The following MTUS2 variants were observed in gnomAD, a reference collection of about 807,000 sequenced individuals.
The protein encoded by MTUS2 is microtubule-associated tumor suppressor candidate 2.
MTUS2 carries 40 observed loss-of-function variants against 114.1 expected under a neutral mutation model. The observed-to-expected ratio is 0.35, with a 90% CI of 0.27 to 0.46. The LOEUF (loss-of-function observed/expected upper bound fraction) is 0.46, where lower values mean the gene tolerates loss of function less well. MTUS2 is among the 20% of genes least tolerant of loss of function. The pLI, the probability that MTUS2 is intolerant of heterozygous loss-of-function variation, is 1.00. For synonymous variants in MTUS2, 688 were observed against 672.0 expected, an observed-to-expected ratio of 1.02 and a Z score of -0.37; for missense variants, 1,679 against 1,705.4, an observed-to-expected ratio of 0.98 and a Z score of 0.27.
intron 5 of MTUS2, among the ~76,000 whole-genome samples, chr13:29,233,550 G>A (rs1039286429): frequency 2.0e-5 from 3 of 152,240 alleles, no homozygotes; most frequent in Non-Finnish European, 4.4e-5. Context: ...GTAGTTAACA[G>A]CAACCTGCTG....
At chr13:28,847,725 C>T (rs764715731) in intron 2 of MTUS2, among the ~76,000 whole-genome samples, 3 of 152,200 alleles carry the variant, frequency 2.0e-5, no homozygotes, top group African/African-American at 4.8e-5. Flanking sequence ...GGGCCCATCT[C>T]CTGGCTGGTC....
intron 1 of MTUS2, among the ~76,000 whole-genome samples, chr13:28,829,076 T>C (rs1874474470): frequency 6.6e-6 from 1 of 152,196 alleles, no homozygotes; most frequent in African/African-American, 2.4e-5. Flanking sequence ...AAATAAACCA[T>C]TTTAGAATGG....
intron 15 of MTUS2, among the ~76,000 whole-genome samples, chr13:29,502,369 T>G (rs1175436704): frequency 1.3e-5 from 2 of 152,242 alleles, no homozygotes; most frequent in South Asian, 2.1e-4. Flanking sequence ...CGGCAAACAT[T>G]AACTGAGCAT....
At chr13:29,223,003 T>TA (rs1895967422) in intron 5 of MTUS2, among the ~76,000 whole-genome samples, 1 of 152,140 alleles carries the variant, frequency 6.6e-6, no homozygotes, top group African/African-American at 2.4e-5. Flanking sequence ...TGGCTCAGTG[T>TA]GGGCCCACAG....
At chr13:29,133,775 G>A (rs972073078) in intron 5 of MTUS2, among the ~76,000 whole-genome samples, 2 of 152,180 alleles carry the variant, frequency 1.3e-5, no homozygotes, top group Non-Finnish European at 2.9e-5. Flanking sequence ...CTTGAAATTA[G>A]GAAGTGTGTC....
chr13:29,282,752 A>G (rs1236502335), intron 6 of MTUS2, among the ~76,000 whole-genome samples: 1 of 152,126 alleles, frequency 6.6e-6, no homozygotes, highest in Non-Finnish European at 1.5e-5. Flanking sequence ...ATATCAATGT[A>G]TATATATATG....
In MTUS2 at chr13:29,121,601, A is replaced by G. The variant is rs980734623; in HGVS notation, c.2644+20631A>G. 2.6e-5 allele frequency among the ~76,000 whole-genome samples: 4 copies of G among 152,052 alleles called. No individual in the cohort carries two copies. In the East Asian group the frequency reaches 7.7e-4, roughly 29 times the overall value. On this transcript the variant is annotated intron_variant, in intron 5 of 15. Transcript: ENST00000612955. ...AGGAAAGAGCACAGAACTTCCAGAG[A>G]GAAGGCCTAAGTTCAAATCCCTGCT...
chr13:29,471,152 G>A (rs2138841992), intron 9 of MTUS2, among the ~76,000 whole-genome samples: 1 of 152,162 alleles, frequency 6.6e-6, no homozygotes, highest in Admixed American at 6.5e-5. Flanking sequence ...AGACCGGCCT[G>A]GCCAACATGG....
At position 29,480,837 on chromosome 13, in the gene MTUS2, C is replaced by T. The variant is rs1881111763; in HGVS notation, c.3399+473C>T. The stretch of plus-strand genomic sequence containing the variant: ...GAGGGCAGAGAGAATAACAAGCAAA[C>T]ATGTATGTAGCACTCGTCCTACACC... On this transcript the variant is annotated intron_variant, in intron 10 of 15. Coordinates refer to ENST00000612955, the MANE Select transcript of MTUS2 (RefSeq NM_001033602.4). This position sits in a 1 kb window ranked among gnomAD's most constrained non-coding sequence, Gnocchi z 4.4. Among the ~76,000 whole-genome samples, 1 of 152,142 alleles carries T rather than the reference C, an allele frequency of 6.6e-6. No individual in the cohort carries two copies. The highest frequency in any genetic ancestry group is 2.4e-5 in the African/African-American group (1 of 41,420).
At chr13:29,129,872 G>A (rs994759014) in intron 5 of MTUS2, among the ~76,000 whole-genome samples, 2 of 152,098 alleles carry the variant, frequency 1.3e-5, no homozygotes, top group African/African-American at 4.8e-5. Context: ...AGGGTGAGGT[G>A]AGGGTTCTTG....
chr13:29,360,690 C>G (rs79804425), intron 8 of MTUS2, among the ~76,000 whole-genome samples: 2 of 5,942 alleles, frequency 3.4e-4, no homozygotes, highest in African/African-American at 7.0e-4. Context: ...AGCCGAACAC[C>G]CCCCCCCCCC....
intron 1 of MTUS2, among the ~76,000 whole-genome samples, chr13:28,823,813 C>T (rs558420284): frequency 1.3e-5 from 2 of 152,172 alleles, no homozygotes; most frequent in Non-Finnish European, 2.9e-5. Flanking sequence ...CTGGGGAGGC[C>T]TCAGGAAACA....
chr13:29,144,398 C>G (rs1179927064), intron 5 of MTUS2, among the ~76,000 whole-genome samples: 1 of 149,938 alleles, frequency 6.7e-6, no homozygotes, highest in Non-Finnish European at 1.5e-5. Context: ...GGGTGTTGCT[C>G]TGTCTCTTAG....
chr13:29,280,679 A>G (rs1898232808), intron 5 of MTUS2, among the ~76,000 whole-genome samples: 1 of 152,198 alleles, frequency 6.6e-6, no homozygotes, highest in South Asian at 2.1e-4. Flanking sequence ...TCCAGCTGTC[A>G]TGGCTTATTT....
intron 7 of MTUS2, among the ~76,000 whole-genome samples, chr13:29,345,130 G>T (rs1342290953): frequency 6.6e-6 from 1 of 152,082 alleles, no homozygotes; most frequent in Non-Finnish European, 1.5e-5. Context: ...TGATGACTAG[G>T]TGCCTAGGCA....
chr13:29,067,644 C>T (rs1240498255), intron 4 of MTUS2, among the ~76,000 whole-genome samples: 2 of 152,102 alleles, frequency 1.3e-5, no homozygotes, highest in Admixed American at 6.5e-5. Flanking sequence ...AAAAGAGCCA[C>T]GGGTGCTGAC....
At chr13:28,994,194 T>G (rs193220918) in intron 2 of MTUS2, among the ~76,000 whole-genome samples, 2,601 of 152,050 alleles carry the variant, frequency 0.017, 74 homozygotes, top group African/African-American at 0.059. Flanking sequence ...GAATGATGGT[T>G]TCCAGCTTCA....
At chr13:29,322,936 C>T (rs756148996) in intron 6 of MTUS2, among the ~76,000 whole-genome samples, 2 of 152,044 alleles carry the variant, frequency 1.3e-5, no homozygotes, top group African/African-American at 2.4e-5. Flanking sequence ...CTAAATGAAT[C>T]GATTAAATGA....
At chr13:29,288,990 A>G (rs997314414) in intron 6 of MTUS2, among the ~76,000 whole-genome samples, 5 of 152,318 alleles carry the variant, frequency 3.3e-5, no homozygotes, top group Admixed American at 2.6e-4. Context: ...GCAAAAACAA[A>G]TCTAGCTGGG....
Sources: gnomAD v4.1 joint callset for allele counts (sites outside exome capture counted in the v4.1 genomes callset) on GRCh38, gnomAD v4.1.1 for gene constraint, Gnocchi (gnomAD v3.1) non-coding constraint, MANE v1.5 for transcripts, NCBI Gene and HGNC (gene_info 2026-07-23, HGNC 2026-07-21) for gene names.